The following HSD17B11 variants were observed in gnomAD, a reference collection of about 807,000 sequenced individuals.
HSD17B11 encodes estradiol 17-beta-dehydrogenase 11.
Under a neutral mutation model 27.8 loss-of-function variants are expected in HSD17B11, and 22 were observed. The ratio of observed to expected loss-of-function variants is 0.79; its 90% confidence interval spans 0.56 to 1.13. The LOEUF (loss-of-function observed/expected upper bound fraction) is 1.13, where lower values mean the gene tolerates loss of function less well. HSD17B11 is among the 50% of genes most tolerant of loss of function. The pLI is 0.00. For missense variants in HSD17B11, 314 were observed against 351.1 expected (o/e 0.89, Z 0.84); for synonymous variants, 117 against 132.8 (o/e 0.88, Z 0.82).
At chr4:87,368,517 C>A (rs1002781879) in intron 4 of HSD17B11, among the ~76,000 whole-genome samples, 2 of 152,070 alleles carry the variant, frequency 1.3e-5, no homozygotes, top group Non-Finnish European at 2.9e-5. Flanking sequence ...ATTAAGAGTT[C>A]TCTTATAAAA....
intron 4 of HSD17B11, among the ~76,000 whole-genome samples, chr4:87,359,328 T>A (rs985282574): frequency 6.6e-6 from 1 of 152,232 alleles, no homozygotes; most frequent in African/African-American, 2.4e-5. Flanking sequence ...CTAAAATAGA[T>A]TACTAAGTGC....
At chr4:87,386,218 T>C (rs1720313985) in intron 1 of HSD17B11, among the ~76,000 whole-genome samples, 1 of 151,876 alleles carries the variant, frequency 6.6e-6, no homozygotes, top group African/African-American at 2.4e-5. Flanking sequence ...TTTTTTTTTT[T>C]CTGAGATGGA....
intron 1 of HSD17B11, among the ~76,000 whole-genome samples, chr4:87,384,905 G>A (rs1427863303): frequency 6.6e-6 from 1 of 151,970 alleles, no homozygotes; most frequent in Non-Finnish European, 1.5e-5. Flanking sequence ...AAACTTGCTG[G>A]TTTTGAGGCT....
At chr4:87,366,914 T>C (rs1041599584) in intron 4 of HSD17B11, among the ~76,000 whole-genome samples, 2 of 151,200 alleles carry the variant, frequency 1.3e-5, no homozygotes, top group African/African-American at 2.4e-5. Flanking sequence ...ACTGAACCAA[T>C]AGAAAACTGA....
At chr4:87,386,267 A>T (rs1253927694) in intron 1 of HSD17B11, among the ~76,000 whole-genome samples, 1 of 151,638 alleles carries the variant, frequency 6.6e-6, no homozygotes, top group Non-Finnish European at 1.5e-5. Flanking sequence ...CAATGGTGCA[A>T]TCTTAGCTCA....
chr4:87,355,908 AAAAC>A (rs1735375065), intron 5 of HSD17B11, among the ~76,000 whole-genome samples: 1 of 152,040 alleles, frequency 6.6e-6, no homozygotes, highest in Non-Finnish European at 1.5e-5. Context: ...TGTCTCAAAA[AAAAC>A]AAAAAACAAA....
At chr4:87,342,761 T>C (rs761993196) in intron 5 of HSD17B11, among the ~76,000 whole-genome samples, 1 of 152,156 alleles carries the variant, frequency 6.6e-6, no homozygotes, top group Non-Finnish European at 1.5e-5. Context: ...TATTAGAATA[T>C]TGTGTTCACC....
At chr4:87,337,761 C>T (rs1391666241) in intron 6 of HSD17B11, among the ~76,000 whole-genome samples, 5 of 152,184 alleles carry the variant, frequency 3.3e-5, no homozygotes, top group South Asian at 4.1e-4. Flanking sequence ...TAAGAGACTG[C>T]GGAAGTAGAA....
In HSD17B11 at chr4:87,370,729, T is replaced by A. The variant is rs1244200621; in HGVS notation, c.557+1980A>T. Among the ~76,000 whole-genome samples, 12 of 12,078 alleles carry A rather than the reference T, an allele frequency of 9.9e-4. 1 individual carries two copies. Among genetic ancestry groups the A allele is most frequent in the Admixed American group, 8.4e-3 (8 of 956 alleles). The allele number at this position is 12,078 out of a possible 152,430, so 7.9% of individuals were successfully genotyped here. A position where few individuals can be genotyped will look rare whatever the true frequency, so the allele number is the denominator to read the frequency against. ...TCCACGCCTGGCCTAGATATTATTATTATTATTATTATTATTATTATTATT... is the reference window on the plus strand; with the variant it reads ...TCCACGCCTGGCCTAGATATTATTAATATTATTATTATTATTATTATTATT... On this transcript the variant is annotated intron_variant, in intron 4 of 6. Coordinates refer to ENST00000358290, the MANE Select transcript of HSD17B11 (RefSeq NM_016245.5).
chr4:87,378,252 T>C (rs933188175), intron 2 of HSD17B11, among the ~76,000 whole-genome samples: 1 of 152,206 alleles, frequency 6.6e-6, no homozygotes, highest in Non-Finnish European at 1.5e-5. Flanking sequence ...CAAAGGATTT[T>C]CCCAGACACT....
At chr4:87,364,736 AGT>A (rs1735585806) in intron 4 of HSD17B11, among the ~76,000 whole-genome samples, 1 of 152,262 alleles carries the variant, frequency 6.6e-6, no homozygotes, top group African/African-American at 2.4e-5. Flanking sequence ...TCCAGGATCC[AGT>A]ATAAAATACC....
rs551991685 is a variant in HSD17B11, at chr4:87,344,008, C to T, written c.696-3402G>A. 8.5e-4 allele frequency among the ~76,000 whole-genome samples: 130 copies of T among 152,258 alleles called. 1 individual carries two copies. Among genetic ancestry groups the T allele is most frequent in the Non-Finnish European group, 1.5e-3 (105 of 68,024 alleles). On this transcript the variant is annotated intron_variant, in intron 5 of 6. Transcript: ENST00000358290. ...GATTTCCACAGTGTAAATATTCCCA[C>T]GACAACTAATTTTAAACTATCTACC...
chr4:87,356,496 C>G (rs1367177475), intron 5 of HSD17B11, among the ~76,000 whole-genome samples: 1 of 152,060 alleles, frequency 6.6e-6, no homozygotes, highest in African/African-American at 2.4e-5. Flanking sequence ...CTTCCAGGAC[C>G]CCATGTGTAA....
At chr4:87,378,909 T>A (rs55856736) in intron 2 of HSD17B11, among the ~76,000 whole-genome samples, 2,830 of 18,590 alleles carry the variant, frequency 0.15, 507 homozygotes, top group East Asian at 0.38. Context: ...TATATAAATA[T>A]ATATATATAA....
chr4:87,339,017 T>A (rs144796583), intron 6 of HSD17B11, among the ~76,000 whole-genome samples: 2 of 152,210 alleles, frequency 1.3e-5, no homozygotes, highest in East Asian at 3.9e-4. Flanking sequence ...AAACTTTGAG[T>A]CTTTATGTTT....
chr4:87,340,854 G>A (rs148942714), intron 5 of HSD17B11, among the ~76,000 whole-genome samples: 176 of 152,172 alleles, frequency 1.2e-3, no homozygotes, highest in Admixed American at 2.9e-3. Context: ...TTCCATTGAC[G>A]TTTGACAATA....
At chr4:87,362,941 A>G (rs1054457725) in intron 4 of HSD17B11, among the ~76,000 whole-genome samples, 17 of 151,904 alleles carry the variant, frequency 1.1e-4, no homozygotes, top group African/African-American at 3.9e-4. Context: ...TATCTTTTCT[A>G]TTTCTCAGGG....
intron 1 of HSD17B11, 95 bp from the exon 2 acceptor site, chr4:87,382,457 G>T: frequency 1.3e-6 from 1 of 788,924 alleles, no homozygotes; most frequent in South Asian, 1.9e-5. Flanking sequence ...AAAAAGTAGT[G>T]AGATTCTTTC....
At chr4:87,388,684 T>C (rs1720379847) in intron 1 of HSD17B11, among the ~76,000 whole-genome samples, 1 of 152,264 alleles carries the variant, frequency 6.6e-6, no homozygotes, top group East Asian at 1.9e-4. Flanking sequence ...CATTTTATTA[T>C]ACAGTGTGGC....
Sources: gnomAD v4.1 joint callset for allele counts (sites outside exome capture counted in the v4.1 genomes callset) on GRCh38, gnomAD v4.1.1 for gene constraint, MANE v1.5 for transcripts, NCBI Gene and HGNC (gene_info 2026-07-23, HGNC 2026-07-21) for gene names.